The following SYNE2 variants were observed in gnomAD, a reference collection of about 807,000 sequenced individuals.
SYNE2 encodes nesprin-2.
Under a neutral mutation model 856.3 loss-of-function variants are expected in SYNE2, and 431 were observed. The observed-to-expected ratio is 0.50, with a 90% CI of 0.47 to 0.55. SYNE2 has a LOEUF of 0.55. SYNE2 is among the 20% of genes least tolerant of loss of function. The pLI is 0.00. For synonymous variants in SYNE2, 2,923 were observed against 2,872.3 expected (o/e 1.02, Z -0.56); for missense variants, 8,129 against 8,023.2 (o/e 1.01, Z -0.50).
chr14:64,209,734 G>C (rs1181529853), intron 102 of SYNE2, 156 bp downstream of exon 102: 1 of 1,204,630 alleles, frequency 8.3e-7, no homozygotes, highest in Non-Finnish European at 1.2e-6. Flanking sequence ...AGACAGCTTT[G>C]CAAGACATTG....
intron 96 of SYNE2, among the ~76,000 whole-genome samples, chr14:64,184,069 A>C (rs1431528846): frequency 6.6e-6 from 1 of 152,086 alleles, no homozygotes; most frequent in Non-Finnish European, 1.5e-5. Context: ...AGCTCTAGTA[A>C]ACTTCCACAA....
chr14:64,178,897 C>A (rs1287823246), intron 96 of SYNE2, among the ~76,000 whole-genome samples: 1 of 152,054 alleles, frequency 6.6e-6, no homozygotes, highest in African/African-American at 2.4e-5. Context: ...AAAGTGAGAT[C>A]CCCATATGTA....
chr14:64,025,576 G>A (rs978741998), intron 41 of SYNE2, among the ~76,000 whole-genome samples, 155 bp downstream of exon 41: 7 of 152,224 alleles, frequency 4.6e-5, no homozygotes, highest in African/African-American at 1.4e-4. Flanking sequence ...AAAAAGAAGG[G>A]TTGTGACGGA....
At chr14:64,041,361 C>G (rs1307103947) in intron 45 of SYNE2, among the ~76,000 whole-genome samples, 2 of 151,838 alleles carry the variant, frequency 1.3e-5, no homozygotes, top group African/African-American at 2.4e-5. Context: ...TGCTTTTGTT[C>G]AACAAAAGAC....
At chr14:63,986,698 G>C in intron 19 of SYNE2, 81 bp downstream of exon 19, 4 of 1,411,304 alleles carry the variant, frequency 2.8e-6, no homozygotes, top group Non-Finnish European at 4.0e-6. Context: ...TTTAAAGTAA[G>C]TAGTAATAAG....
At position 63,970,651 on chromosome 14, in the gene SYNE2, C is replaced by CTT. The variant is rs61126600; in HGVS notation, c.1128+2824_1128+2825dup. Among the ~76,000 whole-genome samples the CTT allele has an allele frequency of 6.8e-4, 67 of 98,888 alleles. 1 individual carries two copies. The highest frequency in any genetic ancestry group is 1.4e-3 in the South Asian group (4 of 2,790). 64.9% of individuals were successfully genotyped at this position (98,888 alleles called of 152,430 possible). ...TTCTGTCTTTTTTCTTTTCTTTTTT[C>CTT]TTTTTTTTTTTTTTTTTTTTGAGAT... On this transcript the variant is annotated intron_variant, in intron 11 of 115. Coordinates refer to ENST00000555002, the MANE Select transcript of SYNE2 (RefSeq NM_182914.3).
intron 96 of SYNE2, among the ~76,000 whole-genome samples, chr14:64,183,483 G>A (rs1221257195): frequency 6.6e-6 from 1 of 152,178 alleles, no homozygotes; most frequent in Non-Finnish European, 1.5e-5. Flanking sequence ...GGGCGGCCAG[G>A]CAGAGACGCT....
chr14:63,813,293 A>G (rs1230315174), intron 1 of SYNE2, among the ~76,000 whole-genome samples: 2 of 152,232 alleles, frequency 1.3e-5, no homozygotes, highest in African/African-American at 4.8e-5. Context: ...GTGAATGTAG[A>G]GAGAAAAATC....
intron 32 of SYNE2, among the ~76,000 whole-genome samples, chr14:64,012,007 A>C (rs951476377): frequency 2.0e-5 from 3 of 152,116 alleles, no homozygotes; most frequent in Non-Finnish European, 2.9e-5. Context: ...CCAGAAAGTC[A>C]ATCTCTGTGG....
At chr14:64,187,524 A>G (rs2098498226) in intron 97 of SYNE2, among the ~76,000 whole-genome samples, 1 of 152,232 alleles carries the variant, frequency 6.6e-6, no homozygotes, top group Non-Finnish European at 1.5e-5. Flanking sequence ...GGATTTTTAA[A>G]AGATAAACAG....
chr14:64,007,176 A>G lies in SYNE2; in HGVS notation c.4531A>G (p.Asn1511Asp), dbSNP rs2096802787. The part of the protein sequence containing the change: ...REKTVNQQCQ[N>D]TVVLWENTKA... ...AAAAACCGTGAATCAACAGTGCCAA[A>G]ATACAGTAGTCTTGTGGGAGAATAC... is the stretch of plus-strand genomic sequence containing the variant. Residue 1511 changes from asparagine to aspartate, a missense_variant, in exon 31 of 116, where the codon AAT (asparagine) becomes GAT (aspartate). Physicochemically the swap from Asn to Asp is conservative, Grantham distance 23. This residue lies in a region of SYNE2 where 2,422 missense variants were observed against 2,357.4 expected (regional missense o/e 1.03). Transcript: ENST00000555002. 6.2e-7 allele frequency: 1 copy of G among 1,614,206 alleles called. No individual in the cohort carries two copies.
chr14:63,907,924 C>A (rs900628563), intron 1 of SYNE2, among the ~76,000 whole-genome samples: 1 of 152,008 alleles, frequency 6.6e-6, no homozygotes, highest in African/African-American at 2.4e-5. Flanking sequence ...ATTAATTAGT[C>A]AAGTTAATTT....
intron 91 of SYNE2, 54 bp downstream of exon 91, chr14:64,167,441 C>A: frequency 1.2e-6 from 2 of 1,614,206 alleles, no homozygotes; most frequent in East Asian, 2.2e-5. Context: ...TTAACGGCTT[C>A]AGCTCGGGAA....
intron 32 of SYNE2, among the ~76,000 whole-genome samples, chr14:64,011,698 A>G (rs2096846867): frequency 6.6e-6 from 1 of 152,100 alleles, no homozygotes; most frequent in African/African-American, 2.4e-5. Flanking sequence ...CCCTGTTTTG[A>G]TAAGTGTCAG....
At chr14:63,840,126 C>T (rs373160156) in intron 1 of SYNE2, among the ~76,000 whole-genome samples, 6 of 152,008 alleles carry the variant, frequency 3.9e-5, no homozygotes, top group African/African-American at 4.8e-5. Flanking sequence ...AAAAATTAGC[C>T]GGGCGTGGTG....
At chr14:64,040,370 G>T (rs913926264) in intron 45 of SYNE2, among the ~76,000 whole-genome samples, 1 of 151,586 alleles carries the variant, frequency 6.6e-6, no homozygotes, top group Non-Finnish European at 1.5e-5. Context: ...GAAATCATAA[G>T]GAAAGAATAC....
At chr14:64,002,190 A>G (rs2096760495) in intron 29 of SYNE2, 109 bp downstream of exon 29, 2 of 960,600 alleles carry the variant, frequency 2.1e-6, no homozygotes, top group African/African-American at 3.3e-5. Context: ...TAAGAGTATA[A>G]GCCATGACAG....
intron 1 of SYNE2, among the ~76,000 whole-genome samples, chr14:63,818,718 A>C (rs1452286735): frequency 1.0e-5 from 1 of 98,662 alleles, no homozygotes; most frequent in Non-Finnish European, 2.2e-5. Flanking sequence ...TTTTTTTTTG[A>C]GATGGAGTCT....
At chr14:64,173,332 A>C (rs1404757945) in intron 94 of SYNE2, among the ~76,000 whole-genome samples, 1 of 152,218 alleles carries the variant, frequency 6.6e-6, no homozygotes, top group East Asian at 1.9e-4. Context: ...AGCAGGTCTA[A>C]TACGAGTGGC....
Sources: allele counts gnomAD v4.1 joint callset (sites outside exome capture counted in the v4.1 genomes callset), GRCh38; gene constraint gnomAD v4.1.1; regional missense constraint gnomAD v4.1.1; transcripts MANE v1.5; gene names NCBI Gene and HGNC (gene_info 2026-07-23, HGNC 2026-07-21).